Variants in HDGFL3 observed in about 807,000 individuals in gnomAD.
HDGFL3 encodes hepatoma-derived growth factor-related protein 3.
A neutral mutation model predicts 27.6 loss-of-function variants in HDGFL3; 6 were observed. The observed-to-expected ratio is 0.22, with a 90% CI of 0.12 to 0.43. The LOEUF (loss-of-function observed/expected upper bound fraction) is 0.43. Ranked by LOEUF, HDGFL3 falls within the 20% of genes least tolerant of loss-of-function variation. The probability of loss-of-function intolerance (pLI) is 1.00; values close to 1 mark genes in which losing one functional copy is unlikely to be tolerated. For missense variants in HDGFL3, 207 were observed against 250.1 expected (o/e 0.83, Z 1.16); for synonymous variants, 88 against 88.9 (o/e 0.99, Z 0.05).
chr15:83,119,338 T>C (rs995558571), intron 3 of HDGFL3, among the ~76,000 whole-genome samples: 2 of 152,268 alleles, frequency 1.3e-5, no homozygotes, highest in African/African-American at 4.8e-5. Context: ...CCTATGTTGA[T>C]GCATCATGGG....
At chr15:83,186,290 G>A (rs1311979110) in intron 1 of HDGFL3, among the ~76,000 whole-genome samples, 5 of 152,188 alleles carry the variant, frequency 3.3e-5, no homozygotes, top group Non-Finnish European at 7.4e-5. Flanking sequence ...ACTACAAAAA[G>A]AGTTCAAGAA....
At chr15:83,199,236 G>A (rs2037608186) in intron 1 of HDGFL3, among the ~76,000 whole-genome samples, 1 of 152,066 alleles carries the variant, frequency 6.6e-6, no homozygotes, top group East Asian at 1.9e-4. Context: ...AACTCTAAAA[G>A]CATTAACTGA....
Position 83,139,080 on chromosome 15 carries a change from A to T in HDGFL3, c.*190T>A, listed in dbSNP as rs1221853767. 2.7e-6 allele frequency: 1 copy of T among 366,422 alleles called. No homozygotes were observed. Among genetic ancestry groups the T allele is most frequent in the African/African-American group, 2.1e-5 (1 of 48,122 alleles). 22.7% of individuals were successfully genotyped at this position (366,422 alleles called of 1,614,324 possible). ...ACATGAAATTAAATCAGTAACTTTT[A>T]AAAAAGGCTAAAATGTCTTTTCCCC... On this transcript the variant is annotated 3_prime_UTR_variant, in exon 6 of 6. Coordinates refer to ENST00000299633, the MANE Select transcript of HDGFL3 (RefSeq NM_016073.4).
chr15:83,118,955 C>T (rs1046463512), intron 3 of HDGFL3, among the ~76,000 whole-genome samples: 12 of 152,244 alleles, frequency 7.9e-5, no homozygotes, highest in African/African-American at 2.2e-4. Context: ...ATACTAGCTA[C>T]GTGACCTTAG....
intron 1 of HDGFL3, among the ~76,000 whole-genome samples, chr15:83,187,970 T>C (rs1319199310): frequency 6.6e-6 from 1 of 151,958 alleles, no homozygotes; most frequent in African/African-American, 2.4e-5. Context: ...TGGGATAGAC[T>C]TTGAGGAGAT....
At chr15:83,184,519 CTG>C (rs2037416844) in intron 1 of HDGFL3, 1 of 152,074 alleles carries the variant, frequency 6.6e-6, no homozygotes, top group African/African-American at 2.4e-5. Flanking sequence ...AATATAATCA[CTG>C]TTAATAATAT....
intron 1 of HDGFL3, among the ~76,000 whole-genome samples, chr15:83,166,904 C>T (rs2037177590): frequency 6.6e-6 from 1 of 152,228 alleles, no homozygotes; most frequent in African/African-American, 2.4e-5. Flanking sequence ...CCACCAGGCT[C>T]CTCCTCCAAC....
Position 83,135,464 on chromosome 15 carries a change from T to G in HDGFL3, c.*3806A>C, listed in dbSNP as rs181212941. 2 of 152,358 alleles carry G rather than the reference T, an allele frequency of 1.3e-5. No individual in the cohort carries two copies. Among genetic ancestry groups the G allele is most frequent in the Admixed American group, 6.5e-5 (1 of 15,306 alleles). 9.4% of individuals were successfully genotyped at this position (152,358 alleles called of 1,614,324 possible). A position where few individuals can be genotyped will look rare whatever the true frequency, so the allele number is the denominator to read the frequency against. On this transcript the variant is annotated 3_prime_UTR_variant, in exon 6 of 6. Coordinates refer to ENST00000299633, the MANE Select transcript of HDGFL3 (RefSeq NM_016073.4). The stretch of plus-strand genomic sequence containing the variant: ...TAATTTACTACTTATTACATTTAGA[T>G]TCCCAATCCTTTATTCATGTGTATC...
At chr15:83,152,990 CTTTTT>C (rs920789734) in intron 4 of HDGFL3, among the ~76,000 whole-genome samples, 1 of 113,314 alleles carries the variant, frequency 8.8e-6, no homozygotes, top group East Asian at 2.5e-4. Flanking sequence ...ATACGCAGTT[CTTTTT>C]TTTTTTTTTT....
At chr15:83,160,276 T>G (rs981511495) in intron 2 of HDGFL3, among the ~76,000 whole-genome samples, 7 of 151,802 alleles carry the variant, frequency 4.6e-5, no homozygotes, top group Middle Eastern at 3.2e-3. Context: ...AACTTCCGAC[T>G]CCCTGGTTCA....
intron 1 of HDGFL3, among the ~76,000 whole-genome samples, chr15:83,172,861 T>C (rs1025442338): frequency 2.6e-5 from 4 of 151,804 alleles, no homozygotes; most frequent in African/African-American, 9.7e-5. Context: ...GTATTTACTA[T>C]TCATCAAGCG....
At chr15:83,155,238 G>A (rs567521133) in intron 4 of HDGFL3, among the ~76,000 whole-genome samples, 7 of 152,188 alleles carry the variant, frequency 4.6e-5, no homozygotes, top group Non-Finnish European at 1.0e-4. Flanking sequence ...ATTTAAAATA[G>A]ATAAACATTA....
chr15:83,195,470 C>T (rs868569181), intron 1 of HDGFL3, among the ~76,000 whole-genome samples: 5 of 151,942 alleles, frequency 3.3e-5, no homozygotes, highest in Admixed American at 6.6e-5. Flanking sequence ...ATATATTGCA[C>T]TTGTATTCCT....
At chr15:83,145,027 T>C (rs2036862582) in intron 5 of HDGFL3, among the ~76,000 whole-genome samples, 2 of 151,822 alleles carry the variant, frequency 1.3e-5, no homozygotes, top group East Asian at 3.9e-4. Flanking sequence ...CTTCTGCTAG[T>C]GGCAGAAGGG....
Position 83,135,860 on chromosome 15 carries a change from A to G in HDGFL3, c.*3410T>C, listed in dbSNP as rs1381671182. 3.3e-5 allele frequency: 5 copies of G among 152,236 alleles called. No individual in the cohort carries two copies. The highest frequency in any genetic ancestry group is 7.3e-5 in the Non-Finnish European group (5 of 68,038). 9.4% of individuals were successfully genotyped at this position (152,236 alleles called of 1,614,324 possible). ...CAAGTTGGTAACAACCTTATCTTAC[A>G]AACAACCCTTAATATTTTAAAAGCT... On this transcript the variant is annotated 3_prime_UTR_variant, in exon 6 of 6. Transcript: ENST00000299633.
chr15:83,169,714 T>C (rs1465959260), intron 1 of HDGFL3, among the ~76,000 whole-genome samples: 3 of 151,580 alleles, frequency 2.0e-5, no homozygotes, highest in Non-Finnish European at 4.4e-5. Flanking sequence ...GACACGAGAA[T>C]CACTTGAACC....
rs529815372 is a variant in HDGFL3, at chr15:83,115,745, G to A, written c.394-4C>T. 6.6e-5 allele frequency: 55 copies of A among 836,654 alleles called. No homozygotes were observed. The South Asian group carries it at 7.4e-4, about 11-fold the overall frequency. The allele number at this position is 836,654 out of a possible 1,614,324, so 51.8% of individuals were successfully genotyped here. ...CGATAATTGTCCACAGCATCTTCTG[G>A]AAAACATGAAAAACATTCCATTATT... On this transcript the variant is annotated splice_polypyrimidine_tract_variant and splice_region_variant and intron_variant, in intron 3 of 3. Transcript: ENST00000568294.
At chr15:83,202,252 G>A (rs1020643416) in intron 1 of HDGFL3, among the ~76,000 whole-genome samples, 10 of 152,088 alleles carry the variant, frequency 6.6e-5, no homozygotes, top group African/African-American at 2.4e-4. Flanking sequence ...ACATACAGTA[G>A]GTGCTCAACA....
chr15:83,200,206 C>T (rs749924810), intron 1 of HDGFL3, among the ~76,000 whole-genome samples: 62 of 151,486 alleles, frequency 4.1e-4, no homozygotes, highest in Non-Finnish European at 7.4e-4. Context: ...ATCAGCCCAG[C>T]GTGGTGGTGG....
Sources: gnomAD v4.1 joint callset for allele counts (sites outside exome capture counted in the v4.1 genomes callset) on GRCh38, gnomAD v4.1.1 for gene constraint, MANE v1.5 for transcripts, NCBI Gene and HGNC (gene_info 2026-07-23, HGNC 2026-07-21) for gene names.